The following BCOR variants were observed in gnomAD, a reference collection of about 807,000 sequenced individuals.
The protein encoded by BCOR is BCL-6 corepressor.
A neutral mutation model predicts 86.7 loss-of-function variants in BCOR; 10 were observed. The ratio of observed to expected loss-of-function variants is 0.12; its 90% CI spans 0.07 to 0.20. The LOEUF (loss-of-function observed/expected upper bound fraction) is 0.20, where lower values mean the gene tolerates loss of function less well. BCOR is among the 10% of genes least tolerant of loss of function. BCOR has a pLI of 1.00. For synonymous variants in BCOR, 611 were observed against 609.0 expected (o/e 1.00, Z -0.05); for missense variants, 1,259 against 1,452.1 (o/e 0.87, Z 2.16).
intron 1 of BCOR, among the ~76,000 whole-genome samples, chrX:40,155,306 G>A (rs1602271613): frequency 8.9e-6 from 1 of 112,520 alleles, no homozygotes; most frequent in Non-Finnish European, 1.9e-5. Flanking sequence ...GAGGCGAGAA[G>A]GGGCGCACCG....
intron 1 of BCOR, among the ~76,000 whole-genome samples, chrX:40,129,182 G>A (rs1413235145): frequency 9.0e-6 from 1 of 111,664 alleles, no homozygotes; most frequent in Non-Finnish European, 1.9e-5. Flanking sequence ...CTCAGCCCAA[G>A]TGAGTAGAAA....
At chrX:40,144,466 A>G (rs1937995678) in intron 1 of BCOR, among the ~76,000 whole-genome samples, 1 of 111,952 alleles carries the variant, frequency 8.9e-6, no homozygotes, top group South Asian at 3.7e-4. Flanking sequence ...GGGAGAGGGT[A>G]CTCAGGAGAG....
chrX:40,168,667 G>A (rs915293062), intron 1 of BCOR, among the ~76,000 whole-genome samples: 4 of 112,736 alleles, frequency 3.5e-5, no homozygotes, highest in African/African-American at 1.3e-4. Flanking sequence ...CTCCCCGGGG[G>A]GCTGCCTGGA....
chrX:40,084,815 G>C (rs902287218), intron 1 of BCOR, among the ~76,000 whole-genome samples: 1 of 106,733 alleles, frequency 9.4e-6, no homozygotes, highest in African/African-American at 3.5e-5. Context: ...ATGCATAAAA[G>C]ATGTGTAAAA....
At chrX:40,063,102 G>T in intron 8 of BCOR, 31 bp from the exon 9 acceptor site, 1 of 1,019,902 alleles carries the variant, frequency 9.8e-7, no homozygotes, top group Non-Finnish European at 1.3e-6. Flanking sequence ...GGGGTGGCGG[G>T]CGGATGGGAG....
At chrX:40,102,406 C>T (rs1443839462), upstream of BCOR, among the ~76,000 whole-genome samples, 1 of 113,584 alleles carries the variant, frequency 8.8e-6, no homozygotes, top group Admixed American at 9.2e-5. Flanking sequence ...ATACAGGAGG[C>T]TTCTGGGAGG....
upstream of BCOR, among the ~76,000 whole-genome samples, chrX:40,102,945 A>T (rs1438605764): frequency 8.9e-6 from 1 of 112,330 alleles, no homozygotes; most frequent in African/African-American, 3.2e-5. Context: ...CTCACAACGG[A>T]CTGGGCATTC....
chrX:40,062,911 G>T lies in BCOR; in HGVS notation c.4008C>A (p.Asp1336Glu). The change falls in exon 9 of 15, where the codon GAC becomes GAA. Residue 1336 changes from aspartate to glutamate, a missense_variant. Coordinates refer to ENST00000378444, the MANE Select transcript of BCOR (RefSeq NM_001123385.2). ...AGGCAGCCTGGCAATCCTCTTCTTC[G>T]TCTGCACACAGCACATCTGTCTTCT... ...ENQKTDVLCA[D>E]EEEDCQAASL... is the part of the protein sequence containing the mutation. The T allele has an allele frequency of 8.3e-7, 1 of 1,210,280 alleles. No individual in the cohort carries two copies. The highest frequency in any genetic ancestry group is 1.1e-6 in the Non-Finnish European group (1 of 894,713).
chrX:40,072,655 C>A lies in BCOR; in HGVS notation c.2691G>T (p.Ser897=), dbSNP rs3810693. 1.9e-4 allele frequency: 234 copies of A among 1,210,445 alleles called. No individual in the cohort carries two copies. The highest frequency in any genetic ancestry group is 1.9e-4 in the South Asian group (11 of 56,870). Residue 897 remains serine, a synonymous_variant, in exon 4 of 15, where the codon TCG becomes TCT. Coordinates refer to ENST00000378444, the MANE Select transcript of BCOR (RefSeq NM_001123385.2). ...CCAGAGGTGGCTCCAGGAATGGAGT[C>A]GAGACTGGCAACCCTAGGTTCTCTT... is the stretch of plus-strand genomic sequence containing the variant. ...TNKENLGLPV[S]TPFLEPPLGS...
intron 1 of BCOR, among the ~76,000 whole-genome samples, chrX:40,155,200 G>A (rs1344624538): frequency 1.8e-5 from 2 of 112,905 alleles, no homozygotes; most frequent in African/African-American, 6.4e-5. Context: ...ACAGGCAGTT[G>A]CAATCAGTTT....
chrX:40,136,126 A>T (rs1171119475), intron 1 of BCOR, among the ~76,000 whole-genome samples: 1 of 111,725 alleles, frequency 9.0e-6, no homozygotes, highest in Non-Finnish European at 1.9e-5. Context: ...GAGTCATTGC[A>T]TTTGCACTCT....
At chrX:40,087,625 G>T (rs1374943008) in intron 1 of BCOR, among the ~76,000 whole-genome samples, 2 of 111,338 alleles carry the variant, frequency 1.8e-5, no homozygotes, top group African/African-American at 6.6e-5. Flanking sequence ...AAAGCACTAT[G>T]TCTGTCTTCC....
chrX:40,134,603 A>G (rs1280952229), intron 1 of BCOR, among the ~76,000 whole-genome samples: 2 of 111,636 alleles, frequency 1.8e-5, no homozygotes, highest in Admixed American at 1.9e-4. Context: ...AGCCTGGGTG[A>G]CAGAATGAGA....
chrX:40,070,582 C>T, intron 6 of BCOR, among the ~76,000 whole-genome samples: 1 of 111,782 alleles, frequency 8.9e-6, no homozygotes, highest in South Asian at 3.8e-4. Context: ...CCATGTTCAT[C>T]CTACTTCAAC....
intron 1 of BCOR, among the ~76,000 whole-genome samples, chrX:40,126,857 A>G (rs1286198003): frequency 9.1e-6 from 1 of 110,483 alleles, no homozygotes; most frequent in Non-Finnish European, 1.9e-5. Flanking sequence ...AAAAAAAAAA[A>G]AGAGGAGGTT....
At chrX:40,077,414 A>C in intron 2 of BCOR, 1 of 157,847 alleles carries the variant, frequency 6.3e-6, no homozygotes, top group Non-Finnish European at 1.2e-5. Context: ...GGCCTCTGGG[A>C]ACAGGCAGCA....
intron 1 of BCOR, among the ~76,000 whole-genome samples, chrX:40,078,935 G>A (rs1023575330): frequency 1.8e-5 from 2 of 110,422 alleles, no homozygotes; most frequent in Non-Finnish European, 3.8e-5. Context: ...ATCACGGCGC[G>A]TGATTTATCC....
chrX:40,145,023 T>A (rs1209938412), intron 1 of BCOR, among the ~76,000 whole-genome samples: 1 of 82,199 alleles, frequency 1.2e-5, no homozygotes, highest in East Asian at 4.6e-4. Context: ...ATTCACAAAT[T>A]AAGCATTTAG....
At chrX:40,064,186 G>A (rs948423329) in intron 7 of BCOR, 150 bp downstream of exon 7, 4 of 900,872 alleles carry the variant, frequency 4.4e-6, no homozygotes, top group Admixed American at 5.0e-5. Context: ...GGAATGGAGA[G>A]GTCCGCTCCA....
Sources: allele counts gnomAD v4.1 joint callset (sites outside exome capture counted in the v4.1 genomes callset), GRCh38; gene constraint gnomAD v4.1.1; transcripts MANE v1.5; gene names NCBI Gene and HGNC (gene_info 2026-07-23, HGNC 2026-07-21).